The following SCARB2 variants were observed in gnomAD, a reference collection of about 807,000 sequenced individuals.
SCARB2 encodes scavenger receptor class B member 2, also known as lysosome membrane protein 2.
A neutral mutation model predicts 58.6 loss-of-function variants in SCARB2; 29 were observed. The observed-to-expected ratio is 0.49, with a 90% CI of 0.37 to 0.67. The LOEUF (loss-of-function observed/expected upper bound fraction) is 0.67, where lower values mean the gene tolerates loss of function less well. Among genes scored for constraint, SCARB2 ranks in the 30% least tolerant of loss-of-function variants. The pLI, the probability that SCARB2 is intolerant of heterozygous loss-of-function variation, is 0.00. For missense variants in SCARB2, 488 were observed against 578.5 expected, an observed-to-expected ratio of 0.84 and a Z score of 1.60; for synonymous variants, 195 against 210.1, an observed-to-expected ratio of 0.93 and a Z score of 0.62.
At position 76,179,719 on chromosome 4, in the gene SCARB2, G is replaced by C. The variant is rs779417623; in HGVS notation, c.424-14C>G. On this transcript the variant is annotated splice_polypyrimidine_tract_variant and intron_variant, in intron 3 of 11. Transcript: ENST00000264896. ...CTCTATGACAGTCTGCGGAGCAGAG[G>C]TATATTAAGACAGCAGCATCCCCTC... 1 of 1,606,144 alleles carries C rather than the reference G, an allele frequency of 6.2e-7. No individual in the cohort carries two copies. Among genetic ancestry groups the C allele is most frequent in the South Asian group, 1.1e-5 (1 of 90,938 alleles).
intron 1 of SCARB2, among the ~76,000 whole-genome samples, chr4:76,227,077 G>A (rs902544170): frequency 2.6e-5 from 4 of 151,718 alleles, no homozygotes; most frequent in African/African-American, 4.8e-5. Flanking sequence ...GTTTGGGTTT[G>A]GTTTGTTCTT....
At chr4:76,175,717 A>C (rs1395404948) in intron 6 of SCARB2, 74 bp downstream of exon 6, 4 of 1,552,974 alleles carry the variant, frequency 2.6e-6, no homozygotes, top group African/African-American at 2.7e-5. Flanking sequence ...GTCTGCATAT[A>C]TTCCTCATGC....
chr4:76,171,491 T>C (rs1234760073), intron 7 of SCARB2, among the ~76,000 whole-genome samples: 1 of 152,174 alleles, frequency 6.6e-6, no homozygotes, highest in Non-Finnish European at 1.5e-5. Flanking sequence ...CCCTGGAGAA[T>C]TCAAAACACT....
At chr4:76,186,337 C>A (rs886826420) in intron 2 of SCARB2, among the ~76,000 whole-genome samples, 1 of 151,920 alleles carries the variant, frequency 6.6e-6, no homozygotes, top group South Asian at 2.1e-4. Flanking sequence ...AAGCTGTGGT[C>A]CTGGAGGAGG....
intron 1 of SCARB2, among the ~76,000 whole-genome samples, chr4:76,225,344 G>C (rs1009777453): frequency 3.9e-5 from 6 of 152,192 alleles, no homozygotes; most frequent in Non-Finnish European, 4.4e-5. Flanking sequence ...TCAGCGAACA[G>C]TGACAGTTTG....
chr4:76,226,762 A>G (rs759307783), intron 1 of SCARB2, among the ~76,000 whole-genome samples: 35 of 152,082 alleles, frequency 2.3e-4, no homozygotes, highest in Non-Finnish European at 8.8e-5. Context: ...AGTGTTGTAT[A>G]TTTCCAGGAA....
intron 1 of SCARB2, among the ~76,000 whole-genome samples, chr4:76,211,491 C>T (rs1327298488): frequency 6.6e-6 from 1 of 152,240 alleles, no homozygotes; most frequent in Non-Finnish European, 1.5e-5. Context: ...CTATTAAGCA[C>T]TAACTATATC....
chr4:76,188,978 G>C (rs925466269), intron 2 of SCARB2, among the ~76,000 whole-genome samples: 1 of 152,148 alleles, frequency 6.6e-6, no homozygotes, highest in Admixed American at 6.5e-5. Flanking sequence ...AAGTCCTATG[G>C]TTCCGGCTAT....
At chr4:76,177,590 C>A (rs559870903) in intron 4 of SCARB2, among the ~76,000 whole-genome samples, 1 of 152,264 alleles carries the variant, frequency 6.6e-6, no homozygotes, top group East Asian at 1.9e-4. Flanking sequence ...TTCATAGCAG[C>A]ACTTCTAATA....
intron 10 of SCARB2, chr4:76,165,878 T>TTTAAATATGATAAAAGAATTTATCATA (rs1560704298): frequency 9.1e-6 from 3 of 330,892 alleles, no homozygotes; most frequent in African/African-American, 6.3e-5. Context: ...TAAACCAGCA[T>TTTAAATATGATAAAAGAATTTATCATA]GGTTTCAAAG....
chr4:76,217,206 A>G (rs1432963236), upstream of SCARB2, among the ~76,000 whole-genome samples: 2 of 152,146 alleles, frequency 1.3e-5, no homozygotes, highest in African/African-American at 4.8e-5. Context: ...AGCCACTAAT[A>G]ACCCTGAACA....
chr4:76,219,443 C>T (rs1378728594), intron 1 of SCARB2, among the ~76,000 whole-genome samples: 3 of 152,204 alleles, frequency 2.0e-5, no homozygotes, highest in African/African-American at 7.2e-5. Flanking sequence ...TTTAAACTCA[C>T]TGTGGCAAAG....
intron 1 of SCARB2, among the ~76,000 whole-genome samples, chr4:76,209,699 G>A (rs1004554803): frequency 6.6e-6 from 1 of 152,228 alleles, no homozygotes; most frequent in Non-Finnish European, 1.5e-5. Flanking sequence ...CGGTAGAACA[G>A]CTCCAGAGTT....
chr4:76,177,367 C>T (rs577204946), intron 4 of SCARB2, among the ~76,000 whole-genome samples: 45 of 151,518 alleles, frequency 3.0e-4, no homozygotes, highest in Admixed American at 2.4e-3. Context: ...AAATAGTAAG[C>T]GTTGGTGAGG....
chr4:76,219,122 A>G (rs1049501502), intron 1 of SCARB2, among the ~76,000 whole-genome samples: 5 of 152,190 alleles, frequency 3.3e-5, no homozygotes, highest in Non-Finnish European at 7.3e-5. Context: ...CATGCTTATT[A>G]AGAGTAAAAG....
intron 1 of SCARB2, among the ~76,000 whole-genome samples, chr4:76,196,730 T>C (rs1732720728): frequency 6.6e-6 from 1 of 152,174 alleles, no homozygotes; most frequent in African/African-American, 2.4e-5. Context: ...CTATCCCCGT[T>C]TCAAAAACCA....
At chr4:76,229,664 A>C (rs1733459646) in intron 1 of SCARB2, among the ~76,000 whole-genome samples, 1 of 152,170 alleles carries the variant, frequency 6.6e-6, no homozygotes, top group Non-Finnish European at 1.5e-5. Context: ...GTGCTGAGAA[A>C]TACCTGATTC....
chr4:76,188,621 A>G (rs1732536336), intron 2 of SCARB2, among the ~76,000 whole-genome samples: 1 of 152,196 alleles, frequency 6.6e-6, no homozygotes, highest in African/African-American at 2.4e-5. Flanking sequence ...CTGGCATACA[A>G]TTGATGGAGT....
At chr4:76,188,555 C>G (rs921662766) in intron 2 of SCARB2, among the ~76,000 whole-genome samples, 2 of 152,226 alleles carry the variant, frequency 1.3e-5, no homozygotes, top group African/African-American at 4.8e-5. Context: ...CCACACCAAT[C>G]TGTACTAACT....
Sources: gnomAD v4.1 joint callset for allele counts (sites outside exome capture counted in the v4.1 genomes callset) on GRCh38, gnomAD v4.1.1 for gene constraint, MANE v1.5 for transcripts, NCBI Gene and HGNC (gene_info 2026-07-23, HGNC 2026-07-21) for gene names.